The following HMGXB4 variants were observed in gnomAD, a reference collection of about 807,000 sequenced individuals.
HMGXB4 encodes the protein HMG domain-containing protein 4.
HMGXB4 carries 27 observed loss-of-function variants against 63.9 expected under a neutral mutation model. The ratio of observed to expected loss-of-function variants is 0.42; its 90% CI spans 0.31 to 0.58. HMGXB4 has a LOEUF of 0.58. Among genes scored for constraint, HMGXB4 ranks in the 20% least tolerant of loss-of-function variants. The pLI, the probability that HMGXB4 is intolerant of heterozygous loss-of-function variation, is 0.13. For missense variants in HMGXB4, 624 were observed against 700.7 expected (o/e 0.89, Z 1.24); for synonymous variants, 264 against 265.3 (o/e 0.99, Z 0.05).
intron 8 of HMGXB4, 26 bp downstream of exon 8, chr22:35,287,478 T>G (rs1312824602): frequency 1.3e-6 from 2 of 1,532,000 alleles, no homozygotes; most frequent in African/African-American, 2.7e-5. Context: ...CGCCCCTGCT[T>G]TTCTCTAAAG....
intron 5 of HMGXB4, among the ~76,000 whole-genome samples, chr22:35,266,786 C>T (rs534863931): frequency 5.7e-4 from 86 of 152,202 alleles, no homozygotes; most frequent in Middle Eastern, 3.4e-3. Flanking sequence ...AGTTCGGGAC[C>T]GGCCTGGGCA....
chr22:35,262,861 T>C (rs776148345), intron 2 of HMGXB4: 2 of 585,858 alleles, frequency 3.4e-6, no homozygotes, highest in Non-Finnish European at 6.0e-6. Flanking sequence ...TTGCATAGCA[T>C]GGAAACATTG....
At chr22:35,292,555 A>AT (rs767634695) in intron 9 of HMGXB4, among the ~76,000 whole-genome samples, 1 of 152,256 alleles carries the variant, frequency 6.6e-6, no homozygotes, top group Non-Finnish European at 1.5e-5. Context: ...GAAAAATTGT[A>AT]TAATCAGCTA....
At chr22:35,282,384 G>A (rs1924316089) in intron 5 of HMGXB4, among the ~76,000 whole-genome samples, 1 of 152,100 alleles carries the variant, frequency 6.6e-6, no homozygotes, top group South Asian at 2.1e-4. Context: ...CACCGTGTTA[G>A]CCAGGATGAC....
chr22:35,278,657 AT>A (rs11412290), intron 5 of HMGXB4, among the ~76,000 whole-genome samples: 4 of 148,822 alleles, frequency 2.7e-5, no homozygotes, highest in African/African-American at 9.9e-5. Flanking sequence ...TTTTAATATT[AT>A]TTTTTTTTAA....
intron 5 of HMGXB4, among the ~76,000 whole-genome samples, chr22:35,279,289 C>T (rs2146426591): frequency 6.6e-6 from 1 of 152,000 alleles, no homozygotes; most frequent in African/African-American, 2.4e-5. Flanking sequence ...GCTGCAATTA[C>T]AGGCATGTGC....
chr22:35,292,935 C>A, intron 9 of HMGXB4, 57 bp from the exon 10 acceptor site: 2 of 1,609,910 alleles, frequency 1.2e-6, no homozygotes, highest in Admixed American at 1.7e-5. Flanking sequence ...GTGAGGAAGT[C>A]AGCCGGAACA....
Position 35,263,193 on chromosome 22 carries a change from T to C in HMGXB4, c.147T>C (p.Ala49=), listed in dbSNP as rs750427293. 1 of 1,614,064 alleles carries C rather than the reference T, an allele frequency of 6.2e-7. No individual in the cohort carries two copies. The highest frequency in any genetic ancestry group is 8.5e-7 in the Non-Finnish European group (1 of 1,179,958). ...DFLREEEEIA[A]QVRNSSKKKL... ...TAAGGGAAGAGGAAGAAATTGCTGC[T>C]CAGGTCAGGAATTCTTCCAAGAAGA... is the stretch of plus-strand genomic sequence containing the variant. The change falls in exon 3 of 11, where the codon GCT becomes GCC. Residue 49 remains alanine, a synonymous_variant. Coordinates refer to ENST00000216106, the MANE Select transcript of HMGXB4 (RefSeq NM_001003681.3).
chr22:35,269,511 A>G (rs1299197214), intron 5 of HMGXB4, among the ~76,000 whole-genome samples: 1 of 152,226 alleles, frequency 6.6e-6, no homozygotes, highest in East Asian at 1.9e-4. Context: ...TGTCCTTAAT[A>G]AGCACTTTGT....
At chr22:35,271,910 A>G (rs570211436) in intron 5 of HMGXB4, among the ~76,000 whole-genome samples, 1 of 152,356 alleles carries the variant, frequency 6.6e-6, no homozygotes, top group Non-Finnish European at 1.5e-5. Context: ...GAAAACCCAC[A>G]TAAGCACTGT....
intron 9 of HMGXB4, 80 bp downstream of exon 9, chr22:35,288,487 A>C: frequency 1.7e-6 from 2 of 1,145,940 alleles, no homozygotes; most frequent in South Asian, 4.1e-5. Context: ...CTCATTTTAC[A>C]TACATGTATT....
chr22:35,277,284 T>C (rs908438470), intron 5 of HMGXB4, among the ~76,000 whole-genome samples: 2 of 152,234 alleles, frequency 1.3e-5, no homozygotes, highest in African/African-American at 4.8e-5. Flanking sequence ...TCATGCCTTC[T>C]TGTCTCATTT....
chr22:35,285,373 C>T (rs7287861), intron 6 of HMGXB4, among the ~76,000 whole-genome samples: 75,623 of 151,880 alleles, frequency 0.5, 22,331 homozygotes, highest in Non-Finnish European at 0.65. Context: ...GGTGAAACCC[C>T]GTCTCTACTA....
rs1212477063 is a variant in HMGXB4, at chr22:35,293,861, G to A, written c.*210G>A. The A allele has an allele frequency of 3.1e-5, 10 of 318,930 alleles. No homozygotes were observed. Among genetic ancestry groups the A allele is most frequent in the Non-Finnish European group, 5.6e-5 (10 of 178,860 alleles). The allele number at this position is 318,930 out of a possible 1,614,324, so 19.8% of individuals were successfully genotyped here. On this transcript the variant is annotated 3_prime_UTR_variant, in exon 11 of 11. Transcript: ENST00000216106. ...AATTTTATGAAATGGCAAAGGTTTA[G>A]CCAAGAGGAAATTTTGGCATGAATA... is the stretch of plus-strand genomic sequence containing the variant.
At chr22:35,257,023 C>T (rs1022381949), upstream of HMGXB4, among the ~76,000 whole-genome samples, 1 of 152,176 alleles carries the variant, frequency 6.6e-6, no homozygotes, top group Non-Finnish European at 1.5e-5. Context: ...CCCTAATATG[C>T]CAAATGTTCA....
At position 35,283,648 on chromosome 22, in the gene HMGXB4, G is replaced by T. The variant is rs894802178; in HGVS notation, c.1216-314G>T. On this transcript the variant is annotated intron_variant, in intron 5 of 10. Coordinates refer to ENST00000216106, the MANE Select transcript of HMGXB4 (RefSeq NM_001003681.3). Reference sequence around the variant, plus strand: ...CTACTAAAAATACAAAAATTACCCGGGTGTGGTGGCAGGCACCTGTAATCT... The same window carrying T: ...CTACTAAAAATACAAAAATTACCCGTGTGTGGTGGCAGGCACCTGTAATCT... 2.6e-5 allele frequency among the ~76,000 whole-genome samples: 4 copies of T among 152,096 alleles called. No homozygotes were observed. In the East Asian group the frequency reaches 7.7e-4, roughly 29 times the overall value.
At chr22:35,263,963 T>G in intron 4 of HMGXB4, 89 bp downstream of exon 4, 1 of 1,587,162 alleles carries the variant, frequency 6.3e-7, no homozygotes, top group Non-Finnish European at 8.6e-7. Context: ...TGTTGCTGAC[T>G]CAGTGGCCTA....
intron 1 of HMGXB4, among the ~76,000 whole-genome samples, chr22:35,261,435 C>CA (rs35534975): frequency 0.54 from 67,239 of 125,038 alleles, 19,461 homozygotes; most frequent in Non-Finnish European, 0.66. Context: ...GACTCTATCT[C>CA]AAAAAAAAAA....
Position 35,263,310 on chromosome 22 carries a change from T to G in HMGXB4, c.180+84T>G, listed in dbSNP as rs150748535. 3.6e-4 allele frequency: 424 copies of G among 1,173,082 alleles called. 3 individuals are homozygous for G. The African/African-American group carries it at 4.9e-3, about 14-fold the overall frequency. The allele number at this position is 1,173,082 out of a possible 1,614,324, so 72.7% of individuals were successfully genotyped here. A position where few individuals can be genotyped will look rare whatever the true frequency, so the allele number is the denominator to read the frequency against. The stretch of plus-strand genomic sequence containing the variant: ...GCAGAGTTTTTTTTTGTTTTTTTTT[T>G]TTTTCTCTCATGGCCCAGGCTTGAA... On this transcript the variant is annotated intron_variant, in intron 3 of 10. Transcript: ENST00000216106.
Sources: gnomAD v4.1 joint callset for allele counts (sites outside exome capture counted in the v4.1 genomes callset) on GRCh38, gnomAD v4.1.1 for gene constraint, MANE v1.5 for transcripts, NCBI Gene and HGNC (gene_info 2026-07-23, HGNC 2026-07-21) for gene names.